Variants in MDH2 observed in about 807,000 individuals in gnomAD.
The protein encoded by MDH2 is malate dehydrogenase 2.
MDH2 carries 25 observed loss-of-function variants against 33.6 expected under a neutral mutation model. The ratio of observed to expected loss-of-function variants is 0.74; its 90% CI spans 0.54 to 1.04. The LOEUF (loss-of-function observed/expected upper bound fraction) is 1.04, where lower values mean the gene tolerates loss of function less well. Among genes scored for constraint, MDH2 ranks in the 50% least tolerant of loss-of-function variants. The pLI is 0.00. For synonymous variants in MDH2, 193 were observed against 188.7 expected (o/e 1.02, Z -0.19); for missense variants, 432 against 445.0 (o/e 0.97, Z 0.26).
At chr7:76,048,717 C>T (rs1585392593) in intron 1 of MDH2, 3 of 1,236,176 alleles carry the variant, frequency 2.4e-6, no homozygotes, top group African/African-American at 1.6e-5. Context: ...GTCATTTGGC[C>T]AGAGGATTAG....
At chr7:76,066,156 A>G in intron 8 of MDH2, 123 bp from the exon 9 acceptor site, 1 of 1,241,908 alleles carries the variant, frequency 8.1e-7, no homozygotes, top group Admixed American at 2.4e-5. Context: ...GTCCCCAGCA[A>G]GGCACCCAGA....
At chr7:76,048,274 G>C (rs782033520) in intron 1 of MDH2, 48 bp downstream of exon 1, 3 of 1,517,050 alleles carry the variant, frequency 2.0e-6, no homozygotes, top group Non-Finnish European at 2.6e-6. Flanking sequence ...CCCGGCCCGG[G>C]CCACGTGCGT....
At chr7:76,055,100 G>C (rs934117306) in intron 2 of MDH2, 102 bp downstream of exon 2, 2 of 1,317,212 alleles carry the variant, frequency 1.5e-6, no homozygotes, top group Non-Finnish European at 2.0e-6. Flanking sequence ...TTTAGAGACG[G>C]GGGTTTCTCT....
intron 2 of MDH2, among the ~76,000 whole-genome samples, chr7:76,056,184 C>G (rs1554586261): frequency 6.6e-6 from 1 of 152,162 alleles, no homozygotes; most frequent in African/African-American, 2.4e-5. Flanking sequence ...GATAGCTCTG[C>G]TGTTGACCAT....
At position 76,060,378 on chromosome 7, in the gene MDH2, T is replaced by C. The variant is rs1585408408; in HGVS notation, c.435T>C (p.Asn145=). Residue 145 remains asparagine, a synonymous_variant, in exon 5 of 9, where the codon AAT becomes AAC. Coordinates refer to ENST00000315758, the MANE Select transcript of MDH2 (RefSeq NM_005918.4). ...CTGTCTGTTGGATGTCCTAGGTTAA[T>C]TCCACCATCCCCATCACAGCAGAAG... ...AMICVIANPV[N]STIPITAEVF... 1 of 1,614,044 alleles carries C rather than the reference T, an allele frequency of 6.2e-7. No homozygotes were observed. Among genetic ancestry groups the C allele is most frequent in the Non-Finnish European group, 8.5e-7 (1 of 1,179,962 alleles).
intron 1 of MDH2, among the ~76,000 whole-genome samples, chr7:76,050,403 C>CA (rs1342706287): frequency 6.6e-6 from 1 of 152,162 alleles, no homozygotes; most frequent in Non-Finnish European, 1.5e-5. Context: ...CTGAAGGAAG[C>CA]AGAGATCACA....
chr7:76,066,137 C>T, intron 8 of MDH2, 142 bp from the exon 9 acceptor site: 1 of 1,012,058 alleles, frequency 9.9e-7, no homozygotes, highest in Non-Finnish European at 1.4e-6. Flanking sequence ...CCCACCTGCT[C>T]AGCAAGGCGT....
chr7:76,064,692 T>C (rs1012351996), intron 7 of MDH2, 110 bp from the exon 8 acceptor site: 1 of 1,270,236 alleles, frequency 7.9e-7, no homozygotes, highest in Non-Finnish European at 1.1e-6. Flanking sequence ...CTGACTGAAA[T>C]TCTCCACTGT....
chr7:76,050,178 G>A (rs1432743197), intron 1 of MDH2, among the ~76,000 whole-genome samples: 1 of 152,022 alleles, frequency 6.6e-6, no homozygotes, highest in Non-Finnish European at 1.5e-5. Flanking sequence ...CACAGGCAAG[G>A]GCTACGACAG....
At position 76,064,910 on chromosome 7, in the gene MDH2, AGGAAAC is replaced by A. The variant is rs782266209; in HGVS notation, c.847_852del (p.Thr283_Glu284del). 1 of 1,614,060 alleles carries A rather than the reference AGGAAAC, an allele frequency of 6.2e-7. No homozygotes were observed. Among genetic ancestry groups the A allele is most frequent in the African/African-American group, 1.3e-5 (1 of 74,920 alleles). On this transcript the variant is annotated inframe_deletion, in exon 8 of 9. Coordinates refer to ENST00000315758, the MANE Select transcript of MDH2 (RefSeq NM_005918.4). ...GTGGAATGTTCCTTCGTTAAGTCACAGGAAACGGAATGTACCTACTTCTCCACACCG... is the reference window on the plus strand; with the variant it reads ...GTGGAATGTTCCTTCGTTAAGTCACAGGAATGTACCTACTTCTCCACACCG...
At chr7:76,055,737 C>CAA (rs572199771) in intron 2 of MDH2, among the ~76,000 whole-genome samples, 8 of 98,096 alleles carry the variant, frequency 8.2e-5, no homozygotes, top group African/African-American at 1.0e-4. Flanking sequence ...ACACTGTTTC[C>CAA]AAAAAAAAAA....
chr7:76,055,975 G>A (rs1474148291), intron 2 of MDH2, among the ~76,000 whole-genome samples: 2 of 151,826 alleles, frequency 1.3e-5, no homozygotes, highest in Non-Finnish European at 2.9e-5. Flanking sequence ...CCACAGGTGT[G>A]CAACACCATG....
chr7:76,066,608 T>A lies in MDH2; in HGVS notation c.*198T>A. The A allele has an allele frequency of 1.8e-6, 1 of 561,634 alleles. No individual in the cohort carries two copies. Among genetic ancestry groups the A allele is most frequent in the Non-Finnish European group, 2.8e-6 (1 of 351,846 alleles). 34.8% of individuals were successfully genotyped at this position (561,634 alleles called of 1,614,324 possible). ...TGATTTTATTTTTCAAGGTCCCTTC[T>A]GTAAATGCTGTGCTTTCTTCCCTGT... On this transcript the variant is annotated 3_prime_UTR_variant, in exon 9 of 9. Coordinates refer to ENST00000315758, the MANE Select transcript of MDH2 (RefSeq NM_005918.4).
intron 5 of MDH2, among the ~76,000 whole-genome samples, chr7:76,061,647 A>G (rs1298904196): frequency 6.6e-6 from 1 of 152,102 alleles, no homozygotes; most frequent in Non-Finnish European, 1.5e-5. Context: ...CTCTTTAAAA[A>G]AAAAAAAAAA....
chr7:76,048,991 G>GGGC, intron 1 of MDH2: 1 of 540,834 alleles, frequency 1.8e-6, no homozygotes, highest in Admixed American at 8.3e-5. Context: ...CGGGGGGGGG[G>GGGC]GGGGGGGTCC....
At chr7:76,050,717 A>G (rs1440931535) in intron 1 of MDH2, among the ~76,000 whole-genome samples, 1 of 152,146 alleles carries the variant, frequency 6.6e-6, no homozygotes, top group Non-Finnish European at 1.5e-5. Flanking sequence ...AGGTGGTAAG[A>G]AATGATTGAA....
In MDH2 at chr7:76,063,511, C is replaced by G. The variant is rs782818601; in HGVS notation, c.556-4C>G. On this transcript the variant is annotated splice_region_variant and splice_polypyrimidine_tract_variant and intron_variant, in intron 5 of 8. Transcript: ENST00000315758. ...CTCATCCAGCTTCATACTTTGGTCA[C>G]CAGGGTTTGGATCCAGCTCGAGTCA... 3 of 1,614,216 alleles carry G rather than the reference C, an allele frequency of 1.9e-6. No individual in the cohort carries two copies. The highest frequency in any genetic ancestry group is 2.5e-6 in the Non-Finnish European group (3 of 1,180,018).
At position 76,048,559 on chromosome 7, in the gene MDH2, T is replaced by TA. The variant is rs372612364; in HGVS notation, c.66+334dup. On this transcript the variant is annotated intron_variant, in intron 1 of 8. Coordinates refer to ENST00000315758, the MANE Select transcript of MDH2 (RefSeq NM_005918.4). The stretch of plus-strand genomic sequence containing the variant: ...AGGGCTCTGCATCTGAAAGTAAACT[T>TA]ACGTTTTTTTCTGCAGCGTTCCATT... 103 of 1,312,362 alleles carry TA rather than the reference T, an allele frequency of 7.8e-5. 1 individual carries two copies. The African/African-American group carries it at 9.7e-4, about 12-fold the overall frequency. 81.3% of individuals were successfully genotyped at this position (1,312,362 alleles called of 1,614,324 possible).
In MDH2 at chr7:76,048,330, C is replaced by A. The variant is rs1797396650; in HGVS notation, c.66+104C>A. 8.6e-6 allele frequency: 12 copies of A among 1,398,630 alleles called. No homozygotes were observed. In the South Asian group the frequency reaches 1.4e-4, roughly 17 times the overall value. 86.6% of individuals were successfully genotyped at this position (1,398,630 alleles called of 1,614,324 possible). A position where few individuals can be genotyped will look rare whatever the true frequency, so the allele number is the denominator to read the frequency against. On this transcript the variant is annotated intron_variant, in intron 1 of 8. Transcript: ENST00000315758. ...TGACCCTCTCCAGGCCAGCCTGGAC[C>A]GCAGGGATGCCCGGCACTGGCTGGA... is the stretch of plus-strand genomic sequence containing the variant.
Sources: gnomAD v4.1 joint callset for allele counts (sites outside exome capture counted in the v4.1 genomes callset) on GRCh38, gnomAD v4.1.1 for gene constraint, MANE v1.5 for transcripts, NCBI Gene and HGNC (gene_info 2026-07-23, HGNC 2026-07-21) for gene names.